Variants in COL9A1 observed in about 807,000 individuals in gnomAD.
COL9A1 encodes the protein collagen type IX alpha 1 chain.
COL9A1 carries 104 observed loss-of-function variants against 142.6 expected under a neutral mutation model. That is an observed-to-expected ratio of 0.73 (90% CI 0.62 to 0.86). The LOEUF (loss-of-function observed/expected upper bound fraction) is 0.86, where lower values mean the gene tolerates loss of function less well. Ranked by LOEUF, COL9A1 falls within the 40% of genes least tolerant of loss-of-function variation. The pLI, the probability that COL9A1 is intolerant of heterozygous loss-of-function variation, is 0.00. For missense variants in COL9A1, 1,210 were observed against 1,176.6 expected, an observed-to-expected ratio of 1.03 and a Z score of -0.42; for synonymous variants, 466 against 396.0, an observed-to-expected ratio of 1.18 and a Z score of -2.10.
At chr6:70,268,714 G>A in intron 17 of COL9A1, 90 bp downstream of exon 17, 1 of 1,168,614 alleles carries the variant, frequency 8.6e-7, no homozygotes, top group Non-Finnish European at 1.3e-6. Flanking sequence ...TCCAAGTGGG[G>A]TCTCTGCACC....
chr6:70,264,879 T>C (rs938672244), intron 18 of COL9A1, among the ~76,000 whole-genome samples: 16 of 152,242 alleles, frequency 1.1e-4, no homozygotes, highest in African/African-American at 3.4e-4. Context: ...ATTAACTAAT[T>C]TGGGTAAAAT....
chr6:70,291,006 C>T (rs1773639388), intron 5 of COL9A1, among the ~76,000 whole-genome samples: 1 of 152,064 alleles, frequency 6.6e-6, no homozygotes, highest in South Asian at 2.1e-4. Context: ...AGAATATGTC[C>T]ATATCACTAC....
At position 70,252,145 on chromosome 6, in the gene COL9A1, C is replaced by G. The variant is rs1562303379; in HGVS notation, c.1847G>C (p.Gly616Ala). The stretch of plus-strand genomic sequence containing the variant: ...AGGAAGCCCCTGGGGTCCTCGGGGT[C>G]CCACCTCTCCTGGAGGCCCCTGTTG... ...PGQQGPPGEV[G>A]PRGPQGLPGS... The change falls in exon 28 of 38, where the codon GGA becomes GCA. Residue 616 changes from glycine (G) to alanine (A), a missense_variant. Gly to Ala is a moderately conservative substitution (Grantham distance 60, BLOSUM62 0). Coordinates refer to ENST00000357250, the MANE Select transcript of COL9A1 (RefSeq NM_001851.6). 6.2e-7 allele frequency: 1 copy of G among 1,614,094 alleles called. No individual in the cohort carries two copies. The highest frequency in any genetic ancestry group is 2.2e-5 in the East Asian group (1 of 44,878).
intron 37 of COL9A1, among the ~76,000 whole-genome samples, chr6:70,225,003 C>A (rs1769133988): frequency 6.6e-6 from 1 of 152,174 alleles, no homozygotes; most frequent in Non-Finnish European, 1.5e-5. Flanking sequence ...TTAAATACAT[C>A]AGCCTCTGGC....
At chr6:70,239,145 A>T (rs1770091482) in intron 33 of COL9A1, 109 bp downstream of exon 33, 5 of 845,050 alleles carry the variant, frequency 5.9e-6, no homozygotes, top group South Asian at 3.1e-5. Context: ...TCTCAAAAAA[A>T]AAAAGAATTG....
At chr6:70,224,148 A>G (rs1427366414) in intron 37 of COL9A1, among the ~76,000 whole-genome samples, 1 of 152,192 alleles carries the variant, frequency 6.6e-6, no homozygotes, top group East Asian at 1.9e-4. Flanking sequence ...AAAATTAATA[A>G]TTTTGTTTGT....
At chr6:70,283,217 T>A (rs1773288039) in intron 6 of COL9A1, 2 of 1,460,212 alleles carry the variant, frequency 1.4e-6, no homozygotes, top group African/African-American at 1.4e-5. Flanking sequence ...GCGTTCCCCC[T>A]GTTTATGAAT....
chr6:70,228,889 G>A (rs777546335), intron 36 of COL9A1, among the ~76,000 whole-genome samples: 2 of 151,986 alleles, frequency 1.3e-5, no homozygotes, highest in Non-Finnish European at 2.9e-5. Context: ...TAAACTAATG[G>A]CATAAGCATT....
In COL9A1 at chr6:70,234,851, G is replaced by T; in HGVS notation, c.2202C>A (p.Pro734=). 1 of 1,614,102 alleles carries T rather than the reference G, an allele frequency of 6.2e-7. No individual in the cohort carries two copies. The highest frequency in any genetic ancestry group is 8.5e-7 in the Non-Finnish European group (1 of 1,180,010). ...CACCCTGTTCTCCCTGCACACCCCG[G>T]GGTCCAGGTGGTCCTCTTGGTCCTT... is the stretch of plus-strand genomic sequence containing the variant. ...GVEGPRGPPG[P]RGVQGEQGAT... Residue 734 remains proline (P), a synonymous_variant, in exon 34 of 38, where the codon CCC becomes CCA. Coordinates refer to ENST00000357250, the MANE Select transcript of COL9A1 (RefSeq NM_001851.6).
chr6:70,257,606 G>T (rs563471219), intron 20 of COL9A1, among the ~76,000 whole-genome samples: 1 of 152,204 alleles, frequency 6.6e-6, no homozygotes, highest in Admixed American at 6.5e-5. Flanking sequence ...AATTAGCCGG[G>T]TCTGTTGGCA....
intron 33 of COL9A1, among the ~76,000 whole-genome samples, chr6:70,236,778 G>T (rs771849276): frequency 6.6e-6 from 1 of 151,992 alleles, no homozygotes; most frequent in Non-Finnish European, 1.5e-5. Context: ...TACATAGAAG[G>T]CTGCAACATT....
chr6:70,263,141 G>A, intron 19 of COL9A1, 103 bp downstream of exon 19: 2 of 900,474 alleles, frequency 2.2e-6, no homozygotes, highest in African/African-American at 1.7e-5. Context: ...CCAAGTTCAT[G>A]TAATGCTATT....
At chr6:70,222,974 C>T (rs1055209333) in intron 37 of COL9A1, 4 of 152,120 alleles carry the variant, frequency 2.6e-5, no homozygotes, top group East Asian at 3.9e-4. Flanking sequence ...TAGTCACATT[C>T]AAGCTCTACC....
intron 36 of COL9A1, among the ~76,000 whole-genome samples, chr6:70,227,716 C>T (rs925487771): frequency 2.6e-5 from 4 of 151,980 alleles, no homozygotes; most frequent in African/African-American, 9.7e-5. Flanking sequence ...GCAGCCTTGC[C>T]ATAATAGCAG....
chr6:70,226,926 T>C (rs762726454), intron 36 of COL9A1, among the ~76,000 whole-genome samples: 2 of 152,106 alleles, frequency 1.3e-5, no homozygotes, highest in South Asian at 2.1e-4. Context: ...GGGAATTAAG[T>C]TGACCAGATA....
intron 10 of COL9A1, chr6:70,279,938 T>G (rs910729829): frequency 4.3e-5 from 27 of 622,338 alleles, no homozygotes; most frequent in Non-Finnish European, 7.8e-5. Flanking sequence ...ACTTGAGTGA[T>G]GCACCATGGT....
In COL9A1 at chr6:70,302,950, C is replaced by T. The variant is rs1774128846; in HGVS notation, c.-26G>A. ...TTTCCCAGTTGATTTTCTTTGTTTGCCAACAGTCCCTATGAAGAAGGGGTT... is the reference window on the plus strand; with the variant it reads ...TTTCCCAGTTGATTTTCTTTGTTTGTCAACAGTCCCTATGAAGAAGGGGTT... On this transcript the variant is annotated 5_prime_UTR_variant, in exon 1 of 38. Transcript: ENST00000357250. 1 of 1,613,284 alleles carries T rather than the reference C, an allele frequency of 6.2e-7. No homozygotes were observed. The highest frequency in any genetic ancestry group is 8.5e-7 in the Non-Finnish European group (1 of 1,179,252).
chr6:70,235,360 G>A (rs1205179892), intron 33 of COL9A1, among the ~76,000 whole-genome samples: 1 of 152,122 alleles, frequency 6.6e-6, no homozygotes, highest in Non-Finnish European at 1.5e-5. Context: ...AGCTGAGGCA[G>A]GAGAATCGCT....
At chr6:70,289,629 A>G (rs1773583932) in intron 5 of COL9A1, among the ~76,000 whole-genome samples, 2 of 152,172 alleles carry the variant, frequency 1.3e-5, no homozygotes, top group South Asian at 2.1e-4. Flanking sequence ...TTTCCTAACG[A>G]TATGTATAGA....
Sources: gnomAD v4.1 joint callset for allele counts (sites outside exome capture counted in the v4.1 genomes callset) on GRCh38, gnomAD v4.1.1 for gene constraint, MANE v1.5 for transcripts, NCBI Gene and HGNC (gene_info 2026-07-23, HGNC 2026-07-21) for gene names.